The following CALN1 variants were observed in gnomAD, a reference collection of about 807,000 sequenced individuals.
CALN1 encodes the protein calcium-binding protein 8.
A neutral mutation model predicts 30.6 loss-of-function variants in CALN1; 17 were observed. The ratio of observed to expected loss-of-function variants is 0.56; its 90% CI spans 0.38 to 0.83. CALN1 has a LOEUF of 0.83. Ranked by LOEUF, CALN1 falls within the 40% of genes least tolerant of loss-of-function variation. CALN1 has a pLI of 0.00. For synonymous variants in CALN1, 156 were observed against 131.4 expected, an observed-to-expected ratio of 1.19 and a Z score of -1.28; for missense variants, 291 against 354.9, an observed-to-expected ratio of 0.82 and a Z score of 1.45.
chr7:71,959,051 C>G (rs545354651), intron 5 of CALN1, among the ~76,000 whole-genome samples: 4 of 152,174 alleles, frequency 2.6e-5, no homozygotes, highest in African/African-American at 9.7e-5. Flanking sequence ...GCATAGGCTG[C>G]TCAATTAAAG....
chr7:72,337,618 G>C (rs1212372354), intron 2 of CALN1: 1 of 152,858 alleles, frequency 6.5e-6, no homozygotes, highest in Non-Finnish European at 1.5e-5. Context: ...TTCATCCCAG[G>C]TGCCCACACC....
chr7:71,904,201 A>G (rs1794008676), intron 5 of CALN1, among the ~76,000 whole-genome samples: 1 of 152,218 alleles, frequency 6.6e-6, no homozygotes. Context: ...ACTACTGGGT[A>G]CATGTCCAGA....
intron 3 of CALN1, among the ~76,000 whole-genome samples, chr7:72,211,969 C>G (rs958914645): frequency 1.3e-5 from 2 of 152,120 alleles, no homozygotes; most frequent in Non-Finnish European, 2.9e-5. Context: ...AGACCCGACT[C>G]GTAATAGATG....
At chr7:71,933,643 C>T (rs1795678113) in intron 5 of CALN1, among the ~76,000 whole-genome samples, 1 of 152,198 alleles carries the variant, frequency 6.6e-6, no homozygotes, top group Non-Finnish European at 1.5e-5. Flanking sequence ...TTACTCACCT[C>T]TGAATCCTTG....
At chr7:71,803,424 A>G (rs1787420095) in intron 6 of CALN1, among the ~76,000 whole-genome samples, 1 of 152,138 alleles carries the variant, frequency 6.6e-6, no homozygotes. Flanking sequence ...TGAATTCTAT[A>G]TGCAATGTGA....
chr7:72,410,607 C>T lies in CALN1; in HGVS notation c.-74+1451G>A, dbSNP rs567883607. Among the ~76,000 whole-genome samples, 171 of 152,326 alleles carry T rather than the reference C, an allele frequency of 1.1e-3. 1 individual carries two copies. Among genetic ancestry groups the T allele is most frequent in the African/African-American group, 3.7e-3 (154 of 41,568 alleles). ...CTGCAAGTGAGACTTCTCAGGAGCCCTAATGTCCCTTCATGTCCTGGCTTA... is the reference window on the plus strand; with the variant it reads ...CTGCAAGTGAGACTTCTCAGGAGCCTTAATGTCCCTTCATGTCCTGGCTTA... On this transcript the variant is annotated intron_variant, in intron 1 of 6. Transcript: ENST00000395275.
At position 71,845,777 on chromosome 7, in the gene CALN1, G is replaced by T. The variant is rs553030023; in HGVS notation, c.502-35285C>A. ...TGGGTTAAGATTAACACTCTCATCC[G>T]GGCACAGTGGCTCATGCCTGTATCC... On this transcript the variant is annotated intron_variant, in intron 5 of 6. Coordinates refer to ENST00000395275, the MANE Select transcript of CALN1 (RefSeq NM_031468.4). Among the ~76,000 whole-genome samples, 3 of 152,012 alleles carry T rather than the reference G, an allele frequency of 2.0e-5. No homozygotes were observed. In the South Asian group the frequency reaches 6.2e-4, roughly 32 times the overall value.
At chr7:71,918,685 A>G (rs77978904) in intron 5 of CALN1, among the ~76,000 whole-genome samples, 1 of 152,184 alleles carries the variant, frequency 6.6e-6, no homozygotes, top group African/African-American at 2.4e-5. Context: ...CCCAGAAGGA[A>G]GAAGGTCAAC....
chr7:72,279,896 A>G (rs1179227565), intron 2 of CALN1, among the ~76,000 whole-genome samples: 1 of 152,224 alleles, frequency 6.6e-6, no homozygotes, highest in African/African-American at 2.4e-5. Context: ...CAGGAAGCAC[A>G]GGAGTCAATC....
At chr7:72,029,087 G>C (rs190252794) in intron 4 of CALN1, among the ~76,000 whole-genome samples, 120 of 152,224 alleles carry the variant, frequency 7.9e-4, no homozygotes, top group Non-Finnish European at 1.3e-3. Flanking sequence ...AATTCCCTAA[G>C]TAATAGAGTT....
intron 4 of CALN1, among the ~76,000 whole-genome samples, chr7:72,078,658 C>T (rs762938100): frequency 2.0e-5 from 3 of 152,080 alleles, no homozygotes; most frequent in African/African-American, 7.2e-5. Flanking sequence ...GAGGGTCGGG[C>T]GCAGTGGCTT....
At chr7:71,884,679 G>A (rs1265679266) in intron 5 of CALN1, among the ~76,000 whole-genome samples, 3 of 151,960 alleles carry the variant, frequency 2.0e-5, no homozygotes, top group African/African-American at 7.3e-5. Context: ...CTAATCAGAT[G>A]GGTTTTATTT....
intron 1 of CALN1, among the ~76,000 whole-genome samples, chr7:72,437,138 T>G (rs1236553775): frequency 6.6e-6 from 1 of 152,030 alleles, no homozygotes. Flanking sequence ...CACTCAAATT[T>G]TAGAGATTAG....
At chr7:72,221,002 A>T (rs1326582831) in intron 3 of CALN1, among the ~76,000 whole-genome samples, 1 of 151,762 alleles carries the variant, frequency 6.6e-6, no homozygotes, top group South Asian at 2.1e-4. Context: ...TTGCCTGTTC[A>T]CTCTGATGGT....
intron 5 of CALN1, among the ~76,000 whole-genome samples, chr7:72,012,987 A>G (rs1292120783): frequency 6.6e-6 from 1 of 152,050 alleles, no homozygotes; most frequent in African/African-American, 2.4e-5. Flanking sequence ...TAGTAGAGAC[A>G]GGGTTTTACC....
chr7:72,483,085 T>C, the CALN1 span, among the ~76,000 whole-genome samples: 1 of 152,150 alleles, frequency 6.6e-6, no homozygotes, highest in Non-Finnish European at 1.5e-5. Context: ...AGAAAGCCAC[T>C]GTCATTCTTA....
At chr7:72,457,184 A>G in the CALN1 span, among the ~76,000 whole-genome samples, 146 of 151,450 alleles carry the variant, frequency 9.6e-4, no homozygotes, top group Non-Finnish European at 1.8e-3. Context: ...GATTTTTTGC[A>G]TTTTTAGTAG....
At chr7:71,816,725 AGATCACGAGGTCAGGAGTTC>A (rs1431584123) in intron 5 of CALN1, among the ~76,000 whole-genome samples, 2 of 152,096 alleles carry the variant, frequency 1.3e-5, no homozygotes, top group Non-Finnish European at 2.9e-5. Flanking sequence ...TGAGGTGGGC[AGATCACGAGGTCAGGAGTTC>A]GATCACGAGG....
At chr7:72,291,142 T>C (rs1798450871) in intron 2 of CALN1, among the ~76,000 whole-genome samples, 1 of 152,194 alleles carries the variant, frequency 6.6e-6, no homozygotes, top group African/African-American at 2.4e-5. Context: ...CAGGCTGGTT[T>C]CGAACTCCTG....
Sources: gnomAD v4.1 joint callset for allele counts (sites outside exome capture counted in the v4.1 genomes callset) on GRCh38, gnomAD v4.1.1 for gene constraint, MANE v1.5 for transcripts, NCBI Gene and HGNC (gene_info 2026-07-23, HGNC 2026-07-21) for gene names.